Variants in GADL1 observed in about 807,000 individuals in gnomAD.
The protein encoded by GADL1 is acidic amino acid decarboxylase GADL1.
Under a neutral mutation model 69.5 loss-of-function variants are expected in GADL1, and 71 were observed. That is an observed-to-expected ratio of 1.02 (90% confidence interval 0.84 to 1.25). GADL1 has a LOEUF of 1.25. Among genes scored for constraint, GADL1 ranks in the 50% most tolerant of loss-of-function variants. The pLI is 0.00. For missense variants in GADL1, 737 were observed against 631.8 expected (o/e 1.17, Z -1.79); for synonymous variants, 254 against 214.4 (o/e 1.18, Z -1.62).
rs148945778 is a variant in GADL1 at position 30,757,451 on chromosome 3, GA to G, written c.1392+20727del. On this transcript the variant is annotated intron_variant, in intron 14 of 14. Coordinates refer to ENST00000282538, the MANE Select transcript of GADL1 (RefSeq NM_207359.3). ...GGAAAGTGAAAAGAATTAAAGACAT[GA>G]AAGGGAAACCAGTTAGTCTCTTTAT... 8.7e-3 allele frequency among the ~76,000 whole-genome samples: 1,332 copies of G among 152,290 alleles called. 62 individuals carry two copies. In the East Asian group the frequency reaches 0.14, roughly 16 times the overall value.
At chr3:30,736,705 C>T (rs1559483026) in intron 14 of GADL1, among the ~76,000 whole-genome samples, 1 of 152,050 alleles carries the variant, frequency 6.6e-6, no homozygotes, top group Admixed American at 6.6e-5. Flanking sequence ...CTCATGTATG[C>T]CATTAATCTT....
intron 1 of GADL1, among the ~76,000 whole-genome samples, chr3:30,863,093 G>C (rs181871208): frequency 6.6e-6 from 1 of 150,960 alleles, no homozygotes; most frequent in South Asian, 2.1e-4. Context: ...TCTCTCTCTC[G>C]TAATTTGTCA....
At chr3:30,822,688 C>T (rs1315944278) in intron 11 of GADL1, among the ~76,000 whole-genome samples, 1 of 151,954 alleles carries the variant, frequency 6.6e-6, no homozygotes, top group East Asian at 1.9e-4. Context: ...TCATATAATA[C>T]TTTTAAAATA....
rs949623160 is a variant in GADL1 at position 30,785,089 on chromosome 3, C to T, written c.1302+1266G>A. ...CCCAGATTACTCAAACCAAATAAGC[C>T]GTCCCCATTTCAGCATTCTACACTT... On this transcript the variant is annotated intron_variant, in intron 13 of 14. Transcript: ENST00000282538. 7.2e-5 allele frequency among the ~76,000 whole-genome samples: 11 copies of T among 152,148 alleles called. No individual in the cohort carries two copies. In the East Asian group the frequency reaches 1.2e-3, roughly 16 times the overall value.
rs142859222 is a variant in GADL1 at position 30,829,505 on chromosome 3, T to G, written c.1050+4348A>C. On this transcript the variant is annotated intron_variant, in intron 11 of 14. Transcript: ENST00000282538. ...CAGAAGAACCAATTAGAATCACTAT[T>G]CATCAATTATTGTCCTAACACAAGC... is the stretch of plus-strand genomic sequence containing the variant. 2.8e-3 allele frequency among the ~76,000 whole-genome samples: 427 copies of G among 152,032 alleles called. 5 individuals are homozygous for G. Among genetic ancestry groups the G allele is most frequent in the Middle Eastern group, 3.4e-3 (1 of 294 alleles).
At chr3:30,809,911 A>C (rs1168793519) in intron 11 of GADL1, among the ~76,000 whole-genome samples, 2 of 152,142 alleles carry the variant, frequency 1.3e-5, no homozygotes, top group African/African-American at 2.4e-5. Flanking sequence ...TCTTATTTCA[A>C]TTTAAGGAGC....
chr3:30,733,055 A>C (rs559801646), intron 14 of GADL1, among the ~76,000 whole-genome samples: 1 of 152,288 alleles, frequency 6.6e-6, no homozygotes, highest in African/African-American at 2.4e-5. Flanking sequence ...AAAGTAATAA[A>C]ATACAAAGTG....
chr3:30,750,449 C>T (rs1046573094), intron 14 of GADL1, among the ~76,000 whole-genome samples: 1 of 152,196 alleles, frequency 6.6e-6, no homozygotes, highest in African/African-American at 2.4e-5. Context: ...ATCACCGATA[C>T]TGTCGGCCTC....
At chr3:30,891,300 A>G (rs559860721) in intron 1 of GADL1, among the ~76,000 whole-genome samples, 1 of 152,288 alleles carries the variant, frequency 6.6e-6, no homozygotes, top group African/African-American at 2.4e-5. Flanking sequence ...AGAGAGGGGC[A>G]GTGAGCTGCC....
intron 14 of GADL1, among the ~76,000 whole-genome samples, chr3:30,742,056 A>T (rs2125473484): frequency 6.6e-6 from 1 of 152,320 alleles, no homozygotes; most frequent in Admixed American, 6.5e-5. Flanking sequence ...GGCCAGCATT[A>T]ACCACCAAAC....
intron 13 of GADL1, among the ~76,000 whole-genome samples, chr3:30,786,028 C>T (rs1435618926): frequency 1.3e-5 from 2 of 152,130 alleles, no homozygotes; most frequent in East Asian, 3.9e-4. Context: ...CACATGCAGG[C>T]ACCACTACAT....
chr3:30,848,946 G>A (rs541557752), intron 6 of GADL1, among the ~76,000 whole-genome samples: 2 of 152,160 alleles, frequency 1.3e-5, no homozygotes, highest in South Asian at 4.1e-4. Flanking sequence ...CCCCCATGAG[G>A]TTGTGGGGTC....
rs745610505 is a variant in GADL1, at chr3:30,801,068, G to A, written c.1071C>T (p.Tyr357=). The change falls in exon 12 of 15, where the codon TAC becomes TAT. Residue 357 remains tyrosine, a synonymous_variant. Coordinates refer to ENST00000282538, the MANE Select transcript of GADL1 (RefSeq NM_207359.3). ...KDKSDLLKKC[Y]SAKASYLFQQ... Reference sequence around the variant, plus strand: ...GGAAGAGGTAAGATGCCTTGGCAGAGTAGCATTTTTTAAGAAGATCCTTCG... The same window carrying A: ...GGAAGAGGTAAGATGCCTTGGCAGAATAGCATTTTTTAAGAAGATCCTTCG... 5 of 1,612,752 alleles carry A rather than the reference G, an allele frequency of 3.1e-6. No individual in the cohort carries two copies. The highest frequency in any genetic ancestry group is 2.2e-5 in the East Asian group (1 of 44,832).
intron 14 of GADL1, among the ~76,000 whole-genome samples, chr3:30,777,238 T>C (rs1278263325): frequency 6.6e-6 from 1 of 151,858 alleles, no homozygotes; most frequent in Non-Finnish European, 1.5e-5. Flanking sequence ...CTATGGACAA[T>C]GAAAATTGCT....
chr3:30,751,995 A>G (rs1575184103), intron 14 of GADL1, among the ~76,000 whole-genome samples: 1 of 104,494 alleles, frequency 9.6e-6, no homozygotes, highest in Non-Finnish European at 1.8e-5. Context: ...GGCTGTCTAA[A>G]TAAGATAGGA....
intron 14 of GADL1, among the ~76,000 whole-genome samples, chr3:30,753,889 T>G (rs1374823074): frequency 6.6e-6 from 1 of 152,154 alleles, no homozygotes; most frequent in African/African-American, 2.4e-5. Flanking sequence ...ACCCTGCAAA[T>G]GAGGTAACTA....
At chr3:30,754,860 A>ATTTTT (rs10687426) in intron 14 of GADL1, among the ~76,000 whole-genome samples, 7 of 151,790 alleles carry the variant, frequency 4.6e-5, no homozygotes, top group African/African-American at 1.7e-4. Context: ...CAGGGCACTG[A>ATTTTT]TTTTTTTTCT....
At chr3:30,785,786 G>A (rs1052918241) in intron 13 of GADL1, among the ~76,000 whole-genome samples, 16 of 151,654 alleles carry the variant, frequency 1.1e-4, no homozygotes. Context: ...TAAGAAGTTT[G>A]CAATTTATAT....
chr3:30,791,176 G>A (rs1032032542), intron 12 of GADL1, among the ~76,000 whole-genome samples: 1 of 152,008 alleles, frequency 6.6e-6, no homozygotes, highest in Non-Finnish European at 1.5e-5. Context: ...TTTTGAAAAA[G>A]AACTTAAAAA....
Sources: allele counts gnomAD v4.1 joint callset (sites outside exome capture counted in the v4.1 genomes callset), GRCh38; gene constraint gnomAD v4.1.1; transcripts MANE v1.5; gene names NCBI Gene and HGNC (gene_info 2026-07-23, HGNC 2026-07-21).